MPP3: variants seen among roughly 807,000 people sequenced by gnomAD.
MPP3 encodes MAGUK p55 scaffold protein 3.
A neutral mutation model predicts 80.7 loss-of-function variants in MPP3; 48 were observed. The ratio of observed to expected loss-of-function variants is 0.59; its 90% confidence interval spans 0.47 to 0.76. The LOEUF is 0.76. Ranked by LOEUF, MPP3 falls within the 30% of genes least tolerant of loss-of-function variation. The pLI is 0.00. For missense variants in MPP3, 620 were observed against 763.0 expected (o/e 0.81, Z 2.21); for synonymous variants, 311 against 297.6 (o/e 1.04, Z -0.46).
At chr17:43,831,733 C>T (rs2045971398) in intron 3 of MPP3, 56 bp from the exon 4 acceptor site, 2 of 1,474,084 alleles carry the variant, frequency 1.4e-6, no homozygotes, top group Non-Finnish European at 1.9e-6. Flanking sequence ...CTCCCTGCCC[C>T]CGAGGAGCCC....
chr17:43,815,998 G>A (rs1421924345), intron 14 of MPP3, 40 bp downstream of exon 14: 2 of 1,464,370 alleles, frequency 1.4e-6, no homozygotes, highest in African/African-American at 1.5e-5. Context: ...GCCTTGGGTG[G>A]GGCAGGTCGT....
In MPP3 at chr17:43,831,865, C is replaced by T. The variant is rs1009469171; in HGVS notation, c.25+17G>A. 1.4e-5 allele frequency: 23 copies of T among 1,598,620 alleles called. No individual in the cohort carries two copies. The highest frequency in any genetic ancestry group is 2.2e-5 in the East Asian group (1 of 44,730). ...TCTTCAGGACTGTGGCAGGTCCAGC[C>T]GGGGGGAGGTACTTACCAGAGTCCT... On this transcript the variant is annotated intron_variant, in intron 3 of 19. Transcript: ENST00000398389.
chr17:43,831,298 A>G lies in MPP3; in HGVS notation c.168T>C (p.Tyr56=). The change falls in exon 5 of 20, where the codon TAT becomes TAC. Residue 56 remains tyrosine (Y), a synonymous_variant. Transcript: ENST00000398389. ...GAACTGGGGTTGGACTTTGCCTTTC[A>G]TAATAGCGAAGCTTCTCATGAATCT... ...LMKIHEKLRY[Y]ERQSPTPVLH... 1 of 1,614,040 alleles carries G rather than the reference A, an allele frequency of 6.2e-7. No homozygotes were observed. The highest frequency in any genetic ancestry group is 8.5e-7 in the Non-Finnish European group (1 of 1,180,026).
intron 19 of MPP3, among the ~76,000 whole-genome samples, chr17:43,806,580 T>A (rs1215869531): frequency 1.3e-5 from 2 of 152,186 alleles, no homozygotes; most frequent in South Asian, 4.1e-4. Context: ...GTCTCTGATT[T>A]TTTTGTTATA....
rs752013340 is a variant in MPP3 at position 43,823,989 on chromosome 17, G to C, written c.626C>G (p.Ser209Cys). The C allele has an allele frequency of 5.6e-6, 9 of 1,606,866 alleles. 1 individual carries two copies. Among genetic ancestry groups the C allele is most frequent in the Middle Eastern group, 1.6e-4 (1 of 6,068 alleles). Residue 209 changes from serine to cysteine, a missense_variant, in exon 10 of 20, where the codon TCC becomes TGC. Coordinates refer to ENST00000398389, the MANE Select transcript of MPP3 (RefSeq NM_001932.6). ...GGCTGGGATGATTTTTAGGGTGATG[G>C]ATCCCTGGGACTGGGCCTGAAACGA... ...ISQILAQSQG[S>C]ITLKIIPATQ... is the part of the protein sequence containing the mutation.
At position 43,816,087 on chromosome 17, in the gene MPP3, GCAAA is replaced by G. The variant is rs998466376; in HGVS notation, c.968-12_968-9del. The G allele has an allele frequency of 1.3e-6, 2 of 1,507,972 alleles. No homozygotes were observed. Among genetic ancestry groups the G allele is most frequent in the East Asian group, 2.6e-5 (1 of 38,186 alleles). The allele number at this position is 1,507,972 out of a possible 1,614,324, so 93.4% of individuals were successfully genotyped here. A position where few individuals can be genotyped will look rare whatever the true frequency, so the allele number is the denominator to read the frequency against. On this transcript the variant is annotated splice_polypyrimidine_tract_variant and intron_variant, in intron 13 of 19. Coordinates refer to ENST00000398389, the MANE Select transcript of MPP3 (RefSeq NM_001932.6). ...CCTCACAGTCACAGGTCTCTGGGAA[GCAAA>G]CAGAGGGAGGGAAGCCAGTGAGTCC...
At chr17:43,803,249 G>A (rs1409763287) in intron 19 of MPP3, among the ~76,000 whole-genome samples, 1 of 152,104 alleles carries the variant, frequency 6.6e-6, no homozygotes, top group Non-Finnish European at 1.5e-5. Context: ...GTTCATCCTG[G>A]AAGCATTTGG....
intron 19 of MPP3, among the ~76,000 whole-genome samples, chr17:43,806,552 G>A (rs2154591124): frequency 6.6e-6 from 1 of 152,256 alleles, no homozygotes; most frequent in South Asian, 2.1e-4. Context: ...AGTCCTGACA[G>A]TGAACATTAT....
chr17:43,831,779 G>C, intron 3 of MPP3, 102 bp from the exon 4 acceptor site: 1 of 1,433,244 alleles, frequency 7.0e-7, no homozygotes. Context: ...GTCCTGCCGT[G>C]AGGACATTCT....
chr17:43,812,351 T>G (rs367696335), intron 16 of MPP3, among the ~76,000 whole-genome samples: 1 of 152,164 alleles, frequency 6.6e-6, no homozygotes, highest in East Asian at 1.9e-4. Flanking sequence ...CCGGTAGAGG[T>G]GCTAGGGTCA....
At chr17:43,815,544 G>T (rs1317040298) in intron 14 of MPP3, among the ~76,000 whole-genome samples, 3 of 151,966 alleles carry the variant, frequency 2.0e-5, no homozygotes, top group African/African-American at 7.3e-5. Flanking sequence ...TGAGGCTGCT[G>T]CAAGCTGCAA....
chr17:43,814,408 C>T, intron 14 of MPP3, 47 bp from the exon 15 acceptor site: 1 of 1,542,154 alleles, frequency 6.5e-7, no homozygotes. Flanking sequence ...TCCCAGTTGT[C>T]CCAGGATCTC....
intron 8 of MPP3, 151 bp from the exon 9 acceptor site, chr17:43,825,992 G>A (rs1008924408): frequency 3.3e-6 from 2 of 610,032 alleles, no homozygotes; most frequent in Admixed American, 5.1e-5. Context: ...GGCGAACTAA[G>A]CCCTGCTAAG....
rs1200545879 is a variant in MPP3 at position 43,826,816 on chromosome 17, T to TTA, written c.523+933_523+934dup. On this transcript the variant is annotated intron_variant, in intron 8 of 19. Coordinates refer to ENST00000398389, the MANE Select transcript of MPP3 (RefSeq NM_001932.6). The stretch of plus-strand genomic sequence containing the variant: ...TCACCCCAAAGTACTCCATGACTAT[T>TTA]TATATATATATATATTTTTTTTTTT... 4.2e-3 allele frequency among the ~76,000 whole-genome samples: 590 copies of TTA among 139,574 alleles called. 2 individuals carry two copies. The highest frequency in any genetic ancestry group is 0.013 in the African/African-American group (455 of 34,660). The allele number at this position is 139,574 out of a possible 152,430, so 91.6% of individuals were successfully genotyped here.
At chr17:43,805,063 T>G (rs1361044513) in intron 19 of MPP3, among the ~76,000 whole-genome samples, 1 of 152,030 alleles carries the variant, frequency 6.6e-6, no homozygotes, top group East Asian at 1.9e-4. Context: ...GGAAAAAATA[T>G]TTGCAAATCA....
intron 19 of MPP3, among the ~76,000 whole-genome samples, chr17:43,806,290 C>G (rs980615863): frequency 3.3e-5 from 5 of 152,102 alleles, no homozygotes; most frequent in African/African-American, 1.2e-4. Flanking sequence ...CTCAGCCTCC[C>G]GAGTAGCTGG....
At chr17:43,819,997 T>A (rs989777429) in intron 11 of MPP3, among the ~76,000 whole-genome samples, 3 of 152,098 alleles carry the variant, frequency 2.0e-5, no homozygotes, top group African/African-American at 7.2e-5. Flanking sequence ...CAGGCTGGAG[T>A]GCAGTGGTGT....
chr17:43,826,816 T>TTATA lies in MPP3; in HGVS notation c.523+931_523+934dup, dbSNP rs1200545879. On this transcript the variant is annotated intron_variant, in intron 8 of 19. Coordinates refer to ENST00000398389, the MANE Select transcript of MPP3 (RefSeq NM_001932.6). Reference sequence around the variant, plus strand: ...TCACCCCAAAGTACTCCATGACTATTTATATATATATATATTTTTTTTTTT... The same window carrying TTATA: ...TCACCCCAAAGTACTCCATGACTATTTATATATATATATATATATTTTTTTTTTT... 1.9e-3 allele frequency among the ~76,000 whole-genome samples: 267 copies of TTATA among 139,624 alleles called. 4 individuals carry two copies. The highest frequency in any genetic ancestry group is 6.2e-3 in the African/African-American group (216 of 34,682). 91.6% of individuals were successfully genotyped at this position (139,624 alleles called of 152,430 possible).
At chr17:43,827,497 C>T (rs947645038) in intron 8 of MPP3, among the ~76,000 whole-genome samples, 5 of 151,964 alleles carry the variant, frequency 3.3e-5, no homozygotes, top group South Asian at 2.1e-4. Context: ...TCAAGTGATC[C>T]GCCTGCCTCG....
Sources: gnomAD v4.1 joint callset for allele counts (sites outside exome capture counted in the v4.1 genomes callset) on GRCh38, gnomAD v4.1.1 for gene constraint, MANE v1.5 for transcripts, NCBI Gene and HGNC (gene_info 2026-07-23, HGNC 2026-07-21) for gene names.